PNPLA1: variants seen among roughly 807,000 people sequenced by gnomAD.
PNPLA1 encodes the protein omega-hydroxyceramide transacylase.
PNPLA1 carries 36 observed loss-of-function variants against 51.7 expected under a neutral mutation model. That is an observed-to-expected ratio of 0.70 (90% CI 0.53 to 0.92). The LOEUF is 0.92. Ranked by LOEUF, PNPLA1 falls within the 40% of genes least tolerant of loss-of-function variation. The pLI, the probability that PNPLA1 is intolerant of heterozygous loss-of-function variation, is 0.00. For synonymous variants in PNPLA1, 293 were observed against 280.1 expected (o/e 1.05, Z -0.46); for missense variants, 658 against 682.5 (o/e 0.96, Z 0.40).
intron 1 of PNPLA1, among the ~76,000 whole-genome samples, chr6:36,283,497 G>A (rs968152687): frequency 6.6e-6 from 1 of 152,038 alleles, no homozygotes; most frequent in Non-Finnish European, 1.5e-5. Context: ...AAATCACCAC[G>A]TAAGGAAGAA....
chr6:36,266,100 A>G (rs1196749390), upstream of PNPLA1, among the ~76,000 whole-genome samples: 1 of 152,214 alleles, frequency 6.6e-6, no homozygotes, highest in Non-Finnish European at 1.5e-5. Flanking sequence ...TTTTGTCAAC[A>G]TTGACCAAGA....
intron 1 of PNPLA1, among the ~76,000 whole-genome samples, chr6:36,277,886 AAGC>A (rs768464893): frequency 1.3e-5 from 2 of 152,034 alleles, no homozygotes; most frequent in Non-Finnish European, 1.5e-5. Flanking sequence ...AACAATCACA[AAGC>A]CAAGTCCAGT....
At chr6:36,293,193 C>T in intron 3 of PNPLA1, 67 bp downstream of exon 3, 1 of 1,480,524 alleles carries the variant, frequency 6.8e-7, no homozygotes, top group Non-Finnish European at 9.4e-7. Context: ...GTGACTCACA[C>T]CTGGGGGAGC....
At chr6:36,253,609 G>A (rs1037522530) in intron 1 of PNPLA1, among the ~76,000 whole-genome samples, 1 of 152,112 alleles carries the variant, frequency 6.6e-6, no homozygotes, top group Non-Finnish European at 1.5e-5. Context: ...CCAAGTGGCT[G>A]GGACTACAGG....
chr6:36,305,162 C>CT (rs1771192185), intron 6 of PNPLA1, among the ~76,000 whole-genome samples: 1 of 152,188 alleles, frequency 6.6e-6, no homozygotes, highest in South Asian at 2.1e-4. Flanking sequence ...AATTCATTAA[C>CT]TTTCTTAAAA....
In PNPLA1 at chr6:36,301,803, TGCAAAGGCCA is replaced by T; in HGVS notation, c.776-57_776-48del. On this transcript the variant is annotated intron_variant, in intron 5 of 8. Transcript: ENST00000636260. The stretch of plus-strand genomic sequence containing the variant: ...GGAAAATAACTCAAGAAACCATTTT[TGCAAAGGCCA>T]TGCTGCTGCCAGGGCTGAGTAACAC... The T allele has an allele frequency of 4.5e-6, 7 of 1,547,384 alleles. No individual in the cohort carries two copies. In the Admixed American group the frequency reaches 6.0e-5, roughly 13 times the overall value.
At position 36,295,350 on chromosome 6, in the gene PNPLA1, G is replaced by T; in HGVS notation, c.715-14G>T. Reference sequence around the variant, plus strand: ...CCGCAGCCTTGGTAATTCTCCTGGTGCCTCCGCCCACAGATCCTGCACGAT... The same window carrying T: ...CCGCAGCCTTGGTAATTCTCCTGGTTCCTCCGCCCACAGATCCTGCACGAT... On this transcript the variant is annotated splice_polypyrimidine_tract_variant and intron_variant, in intron 4 of 8. Transcript: ENST00000636260. 1 of 1,614,188 alleles carries T rather than the reference G, an allele frequency of 6.2e-7. No individual in the cohort carries two copies. Among genetic ancestry groups the T allele is most frequent in the East Asian group, 2.2e-5 (1 of 44,890 alleles).
intron 1 of PNPLA1, among the ~76,000 whole-genome samples, chr6:36,255,763 G>A (rs1769519339): frequency 6.6e-6 from 1 of 152,064 alleles, no homozygotes; most frequent in Admixed American, 6.5e-5. Flanking sequence ...CTCTGAAATA[G>A]CAGGCTAAGA....
At chr6:36,303,219 C>T (rs370605587) in intron 6 of PNPLA1, among the ~76,000 whole-genome samples, 23 of 152,148 alleles carry the variant, frequency 1.5e-4, no homozygotes, top group South Asian at 1.2e-3. Context: ...CTCAGCCTCC[C>T]GAGTAGCTGG....
At chr6:36,295,552 G>A (rs1770834648) in intron 5 of PNPLA1, 128 bp downstream of exon 5, 1 of 1,009,026 alleles carries the variant, frequency 9.9e-7, no homozygotes, top group Admixed American at 2.0e-5. Flanking sequence ...ACCTGGGAGA[G>A]CTGGAAATGG....
chr6:36,272,332 T>C (rs1208457631), intron 1 of PNPLA1, among the ~76,000 whole-genome samples: 1 of 152,108 alleles, frequency 6.6e-6, no homozygotes, highest in Non-Finnish European at 1.5e-5. Context: ...TATAAGAATC[T>C]AGTGCTGCCA....
chr6:36,302,464 C>T lies in PNPLA1; in HGVS notation c.1379C>T (p.Pro460Leu). 1 of 1,537,600 alleles carries T rather than the reference C, an allele frequency of 6.5e-7. No homozygotes were observed. The highest frequency in any genetic ancestry group is 1.3e-5 in the South Asian group (1 of 78,060). ...PPVEELGQEQ[P>L]QAVALLVSSK... ...GTGGAGGAACTAGGCCAAGAACAGC[C>T]CCAAGGTATGGACCCTTCTGGCTTG... Residue 460 changes from proline (P) to leucine (L), a missense_variant, in exon 6 of 9, where the codon CCC becomes CTC. By Grantham distance (98) the Pro-to-Leu change is moderately conservative. Coordinates refer to ENST00000636260, the MANE Select transcript of PNPLA1 (RefSeq NM_001374623.1).
chr6:36,273,571 A>G (rs1418628352), intron 1 of PNPLA1, among the ~76,000 whole-genome samples: 1 of 150,996 alleles, frequency 6.6e-6, no homozygotes, highest in African/African-American at 2.4e-5. Context: ...CTGCTCCATT[A>G]CCCTCACTCT....
chr6:36,310,526 CT>C (rs1771365586), intron 8 of PNPLA1, among the ~76,000 whole-genome samples: 1 of 152,180 alleles, frequency 6.6e-6, no homozygotes, highest in South Asian at 2.1e-4. Flanking sequence ...AGATCCTTTT[CT>C]TTGAGTTTCT....
intron 8 of PNPLA1, among the ~76,000 whole-genome samples, chr6:36,311,240 C>A (rs1041562920): frequency 6.6e-6 from 1 of 152,224 alleles, no homozygotes; most frequent in Non-Finnish European, 1.5e-5. Flanking sequence ...CTAATTCACT[C>A]TGTTAGCTTG....
At chr6:36,268,212 T>G (rs1420999031), upstream of PNPLA1, among the ~76,000 whole-genome samples, 1 of 152,136 alleles carries the variant, frequency 6.6e-6, no homozygotes, top group Non-Finnish European at 1.5e-5. Flanking sequence ...TTCCACCTTA[T>G]CTCTGGGGTC....
intron 1 of PNPLA1, among the ~76,000 whole-genome samples, chr6:36,273,162 T>C (rs1287022205): frequency 1.3e-5 from 2 of 151,936 alleles, no homozygotes; most frequent in African/African-American, 4.8e-5. Flanking sequence ...GGGAGATTGC[T>C]TGAACTCCAG....
chr6:36,296,694 G>C (rs1051178970), intron 5 of PNPLA1, among the ~76,000 whole-genome samples: 24 of 152,116 alleles, frequency 1.6e-4, no homozygotes, highest in African/African-American at 3.1e-4. Flanking sequence ...TCCCAACAAG[G>C]GGGGTGGAGA....
upstream of PNPLA1, among the ~76,000 whole-genome samples, chr6:36,265,262 A>T (rs749084553): frequency 6.6e-6 from 1 of 152,036 alleles, no homozygotes; most frequent in Non-Finnish European, 1.5e-5. Flanking sequence ...AATGTCTTGA[A>T]CCTGGGACGC....
Sources: allele counts gnomAD v4.1 joint callset (sites outside exome capture counted in the v4.1 genomes callset), GRCh38; gene constraint gnomAD v4.1.1; transcripts MANE v1.5; gene names NCBI Gene and HGNC (gene_info 2026-07-23, HGNC 2026-07-21).